The following PLXNB2 variants were observed in gnomAD, a reference collection of about 807,000 sequenced individuals.
PLXNB2 encodes plexin B2.
In PLXNB2, 85 loss-of-function variants were observed where a neutral mutation model predicts 202.6. The observed-to-expected ratio is 0.42, with a 90% confidence interval of 0.35 to 0.50. The LOEUF (loss-of-function observed/expected upper bound fraction) is 0.50. Ranked by LOEUF, PLXNB2 falls within the 20% of genes least tolerant of loss-of-function variation. The pLI is 0.02. For synonymous variants in PLXNB2, 1,239 were observed against 1,137.6 expected, an observed-to-expected ratio of 1.09 and a Z score of -1.79; for missense variants, 2,063 against 2,586.2, an observed-to-expected ratio of 0.80 and a Z score of 4.39.
In PLXNB2 at chr22:50,277,654, C is replaced by T. The variant is rs1569156160; in HGVS notation, c.5133G>A (p.Ser1711=). The T allele has an allele frequency of 1.9e-6, 3 of 1,608,740 alleles. No individual in the cohort carries two copies. The highest frequency in any genetic ancestry group is 1.7e-5 in the Admixed American group (1 of 59,688). ...TGAAGGTCTGCGCGATGACTGACAG[C>T]GAGGCGTCCACCACCTCGTGGACAT... is the stretch of plus-strand genomic sequence containing the variant. ...DVHVHEVVDA[S]LSVIAQTFMD... Residue 1711 remains serine (S), a synonymous_variant, in exon 33 of 37, where the codon TCG becomes TCA. Transcript: ENST00000359337.
intron 28 of PLXNB2, 60 bp from the exon 29 acceptor site, chr22:50,278,756 C>A: frequency 6.3e-7 from 1 of 1,584,622 alleles, no homozygotes; most frequent in Admixed American, 1.7e-5. Flanking sequence ...CACTGCCCAC[C>A]ACTCCCATAT....
At chr22:50,292,784 T>TGTAA (rs1185548426) in intron 2 of PLXNB2, among the ~76,000 whole-genome samples, 3 of 152,044 alleles carry the variant, frequency 2.0e-5, no homozygotes, top group Non-Finnish European at 4.4e-5. Context: ...TCTCTTGAGG[T>TGTAA]GTAACCAAGA....
chr22:50,296,685 A>G (rs2067302357), intron 1 of PLXNB2, among the ~76,000 whole-genome samples: 1 of 152,046 alleles, frequency 6.6e-6, no homozygotes, highest in South Asian at 2.1e-4. Flanking sequence ...CAGGCCCTCA[A>G]TAGCCACCCC....
intron 33 of PLXNB2, among the ~76,000 whole-genome samples, chr22:50,277,271 A>C (rs1030457717): frequency 6.6e-6 from 1 of 151,276 alleles, no homozygotes; most frequent in Non-Finnish European, 1.5e-5. Context: ...ACTGCACTCC[A>C]GCCTGGGCGA....
Sources: allele counts gnomAD v4.1 joint callset (sites outside exome capture counted in the v4.1 genomes callset), GRCh38; gene constraint gnomAD v4.1.1; transcripts MANE v1.5; gene names NCBI Gene and HGNC (gene_info 2026-07-23, HGNC 2026-07-21).